RARB: variants seen among roughly 807,000 people sequenced by gnomAD.
RARB encodes the protein HBV-activated protein.
Under a neutral mutation model 51.9 loss-of-function variants are expected in RARB, and 17 were observed. The observed-to-expected ratio is 0.33, with a 90% CI of 0.22 to 0.49. The LOEUF is 0.49. RARB is among the 20% of genes least tolerant of loss of function. The pLI is 0.99. For missense variants in RARB, 369 were observed against 550.8 expected (o/e 0.67, Z 3.30); for synonymous variants, 215 against 195.4 (o/e 1.10, Z -0.84).
intron 3 of RARB, among the ~76,000 whole-genome samples, chr3:25,072,681 C>G (rs987937614): frequency 5.9e-5 from 9 of 152,004 alleles, no homozygotes; most frequent in African/African-American, 2.2e-4. Context: ...TGGCTTCTAT[C>G]TACCTACAAG....
At chr3:25,196,999 T>G (rs556095005) in intron 5 of RARB, among the ~76,000 whole-genome samples, 1 of 152,230 alleles carries the variant, frequency 6.6e-6, no homozygotes, top group East Asian at 1.9e-4. Context: ...TGCAAAAATT[T>G]TCTCCCATTC....
chr3:25,091,579 A>G (rs1448143253), intron 3 of RARB, among the ~76,000 whole-genome samples: 1 of 152,128 alleles, frequency 6.6e-6, no homozygotes, highest in African/African-American at 2.4e-5. Flanking sequence ...CGGTTTGTTT[A>G]GGGTATTTTT....
intron 2 of RARB, among the ~76,000 whole-genome samples, chr3:25,474,492 C>T (rs1034729512): frequency 6.6e-6 from 1 of 152,062 alleles, no homozygotes; most frequent in Non-Finnish European, 1.5e-5. Flanking sequence ...CCAGAGTCAT[C>T]CTGCTCTGTT....
intron 5 of RARB, among the ~76,000 whole-genome samples, chr3:25,380,605 A>G (rs903379570): frequency 4.6e-5 from 7 of 152,148 alleles, no homozygotes. Context: ...AAAAATAAAC[A>G]AGCAACCAGG....
chr3:25,046,929 C>T (rs1396667555), intron 2 of RARB, among the ~76,000 whole-genome samples: 1 of 152,124 alleles, frequency 6.6e-6, no homozygotes, highest in Non-Finnish European at 1.5e-5. Context: ...TGTTTTGGCT[C>T]AGGAACACTT....
At chr3:25,203,113 C>T (rs1701440030) in intron 5 of RARB, among the ~76,000 whole-genome samples, 1 of 152,144 alleles carries the variant, frequency 6.6e-6, no homozygotes, top group African/African-American at 2.4e-5. Flanking sequence ...AATCTAGGTG[C>T]TCCTGTATTG....
chr3:25,550,741 C>T (rs187887569), intron 3 of RARB, among the ~76,000 whole-genome samples: 1 of 152,268 alleles, frequency 6.6e-6, no homozygotes, highest in African/African-American at 2.4e-5. Flanking sequence ...GTTCTCCCTC[C>T]CCACCGCCAC....
intron 3 of RARB, among the ~76,000 whole-genome samples, chr3:25,098,986 G>T (rs1402804403): frequency 6.6e-6 from 1 of 152,164 alleles, no homozygotes; most frequent in Non-Finnish European, 1.5e-5. Flanking sequence ...GTTTTGAGTG[G>T]CTGTAGTATC....
At chr3:25,321,781 C>T (rs1704577540) in intron 5 of RARB, among the ~76,000 whole-genome samples, 1 of 151,556 alleles carries the variant, frequency 6.6e-6, no homozygotes, top group Admixed American at 6.6e-5. Context: ...GCAAAGAGAC[C>T]TTGCTCTTTG....
intron 5 of RARB, among the ~76,000 whole-genome samples, chr3:25,194,784 A>T (rs568433622): frequency 1.3e-4 from 19 of 151,996 alleles, no homozygotes; most frequent in South Asian, 2.1e-4. Context: ...ATTAATTTTT[A>T]AAAAAGACTG....
intron 3 of RARB, among the ~76,000 whole-genome samples, chr3:25,066,480 A>T (rs373936899): frequency 1.3e-5 from 2 of 152,216 alleles, no homozygotes; most frequent in South Asian, 4.1e-4. Context: ...GAATAAAGGC[A>T]GTATGGGCAA....
chr3:25,088,041 G>A (rs954794652), intron 3 of RARB, among the ~76,000 whole-genome samples: 1 of 151,962 alleles, frequency 6.6e-6, no homozygotes, highest in Non-Finnish European at 1.5e-5. Flanking sequence ...GTAAAGGACA[G>A]CAGTTTTGCT....
intron 5 of RARB, among the ~76,000 whole-genome samples, chr3:25,247,039 C>A (rs578148145): frequency 6.6e-6 from 1 of 152,338 alleles, no homozygotes; most frequent in African/African-American, 2.4e-5. Context: ...GGAATCTAGA[C>A]AGGCGGTCTG....
rs1031844472 is a variant in RARB, at chr3:24,919,129, C to T, written c.-380+60377C>T. Among the ~76,000 whole-genome samples the T allele has an allele frequency of 2.6e-5, 4 of 152,174 alleles. No homozygotes were observed. In the East Asian group the frequency reaches 7.7e-4, roughly 29 times the overall value. ...TGCAGGAGATAAACTGTACTTATCA[C>T]AGCATTTAACACATTGAGAGCTTAA... On this transcript the variant is annotated intron_variant, in intron 2 of 11. Coordinates refer to the RARB transcript ENST00000383772.
intron 2 of RARB, among the ~76,000 whole-genome samples, chr3:24,938,778 T>G (rs1218164446): frequency 4.6e-5 from 7 of 152,320 alleles, no homozygotes; most frequent in Non-Finnish European, 1.0e-4. Flanking sequence ...TCTATGAATT[T>G]GCCTATTCTA....
intron 5 of RARB, among the ~76,000 whole-genome samples, chr3:25,215,026 C>G (rs908901821): frequency 6.6e-6 from 1 of 152,106 alleles, no homozygotes; most frequent in Admixed American, 6.5e-5. Flanking sequence ...GGTGGAAAAT[C>G]GATGAAGACA....
chr3:24,937,070 C>G (rs1279672824), intron 2 of RARB, among the ~76,000 whole-genome samples: 1 of 152,140 alleles, frequency 6.6e-6, no homozygotes. Flanking sequence ...ATGTAACATT[C>G]ATCTTTTTGT....
In RARB at chr3:25,155,241, C is replaced by T. The variant is rs559108058; in HGVS notation, c.-279-18878C>T. On this transcript the variant is annotated intron_variant, in intron 4 of 11. Coordinates refer to the RARB transcript ENST00000383772. ...TGTTCTGTCATGTCTTTTCTGCTTT[C>T]CTGCCATGAAAGTGATCACCCTCCC... 2.0e-5 allele frequency among the ~76,000 whole-genome samples: 3 copies of T among 152,170 alleles called. No individual in the cohort carries two copies. The East Asian group carries it at 5.8e-4, about 29-fold the overall frequency.
At chr3:24,898,932 C>T (rs1347630480) in intron 2 of RARB, among the ~76,000 whole-genome samples, 1 of 152,144 alleles carries the variant, frequency 6.6e-6, no homozygotes, top group Non-Finnish European at 1.5e-5. Flanking sequence ...CCATAAACTT[C>T]TATGTACAAC....
Sources: allele counts gnomAD v4.1 joint callset (sites outside exome capture counted in the v4.1 genomes callset), GRCh38; gene constraint gnomAD v4.1.1; transcripts MANE v1.5; gene names NCBI Gene and HGNC (gene_info 2026-07-23, HGNC 2026-07-21).